Variants in PCDHA2 observed in about 807,000 individuals in gnomAD.
The protein encoded by PCDHA2 is protocadherin alpha-2.
PCDHA2 carries 58 observed loss-of-function variants against 66.0 expected under a neutral mutation model. The observed-to-expected ratio is 0.88, with a 90% confidence interval of 0.71 to 1.09. The LOEUF is 1.09. Among genes scored for constraint, PCDHA2 ranks in the 50% least tolerant of loss-of-function variants. The probability of loss-of-function intolerance (pLI) is 0.00; values close to 1 mark genes in which losing one functional copy is unlikely to be tolerated. For missense variants in PCDHA2, 1,267 were observed against 1,242.3 expected (o/e 1.02, Z -0.30); for synonymous variants, 634 against 554.0 (o/e 1.14, Z -2.03).
At chr5:140,979,078 A>G (rs2240296) in intron 2 of PCDHA2, 71 bp downstream of exon 2, 2 of 1,583,496 alleles carry the variant, frequency 1.3e-6, no homozygotes, top group East Asian at 4.5e-5. Flanking sequence ...CTGCATCTCC[A>G]TAGGCCAGAA....
chr5:140,983,076 T>A (rs1390525890), intron 3 of PCDHA2, among the ~76,000 whole-genome samples: 1 of 152,168 alleles, frequency 6.6e-6, no homozygotes, highest in Non-Finnish European at 1.5e-5. Context: ...TTGTTTTGAG[T>A]TCAAGTCAAA....
At chr5:140,966,741 G>T in intron 1 of PCDHA2, 1 of 1,421,322 alleles carries the variant, frequency 7.0e-7, no homozygotes, top group Non-Finnish European at 9.1e-7. Flanking sequence ...GGCCCTGCCC[G>T]GCTGCCTCCG....
intron 1 of PCDHA2, chr5:140,866,669 T>C (rs571274167): frequency 6.6e-6 from 1 of 152,260 alleles, no homozygotes; most frequent in South Asian, 2.1e-4. Context: ...CAAGAAATAA[T>C]AGCACTAGGT....
intron 1 of PCDHA2, among the ~76,000 whole-genome samples, chr5:140,935,731 T>C (rs923257790): frequency 2.6e-5 from 4 of 152,202 alleles, no homozygotes; most frequent in Non-Finnish European, 4.4e-5. Context: ...AGAAGTCTAG[T>C]ATCTATTATT....
intron 1 of PCDHA2, among the ~76,000 whole-genome samples, chr5:140,919,085 T>C (rs2078998041): frequency 1.3e-5 from 2 of 152,368 alleles, no homozygotes; most frequent in East Asian, 3.9e-4. Context: ...GACTATTGAA[T>C]TGTCTATTTC....
chr5:140,876,553 G>A, intron 1 of PCDHA2: 2 of 1,614,216 alleles, frequency 1.2e-6, no homozygotes, highest in African/African-American at 2.7e-5. Context: ...CCCTGTGCAA[G>A]AGGATGCTCA....
At chr5:140,883,467 C>T in intron 1 of PCDHA2, 1 of 1,614,170 alleles carries the variant, frequency 6.2e-7, no homozygotes, top group Non-Finnish European at 8.5e-7. Flanking sequence ...CTGGTGTCCA[C>T]CTACAAGAAC....
intron 3 of PCDHA2, among the ~76,000 whole-genome samples, chr5:140,990,902 C>G (rs2097421729): frequency 6.6e-6 from 1 of 152,112 alleles, no homozygotes; most frequent in African/African-American, 2.4e-5. Flanking sequence ...GTTGCTGGGT[C>G]AAGTTTTATA....
rs552832365 is a variant in PCDHA2, at chr5:140,928,668, T to C, written c.2389-50281T>C. ...TAGCAGAGGATGCTGACAGTGGTTC[T>C]AATGCCTGGCTTTCCTACCACATCT... is the stretch of plus-strand genomic sequence containing the variant. On this transcript the variant is annotated intron_variant, in intron 1 of 3. Transcript: ENST00000526136. The C allele has an allele frequency of 2.4e-4, 388 of 1,614,234 alleles. 3 individuals are homozygous for C. The South Asian group carries it at 4.0e-3, about 17-fold the overall frequency.
intron 1 of PCDHA2, chr5:140,856,523 G>A (rs1554148798): frequency 6.3e-7 from 1 of 1,598,526 alleles, no homozygotes; most frequent in Admixed American, 1.7e-5. Context: ...CGCATCTGAT[G>A]CGGATGTTGG....
chr5:140,909,945 A>C (rs540241627), intron 1 of PCDHA2, among the ~76,000 whole-genome samples: 3 of 152,316 alleles, frequency 2.0e-5, no homozygotes, highest in Non-Finnish European at 4.4e-5. Context: ...ACTCTGGTAA[A>C]AAGCCGTAGG....
In PCDHA2 at chr5:140,843,697, T is replaced by C. The variant is rs2150365268; in HGVS notation, c.2388+46345T>C. 3.9e-5 allele frequency: 61 copies of C among 1,583,460 alleles called. 6 individuals carry two copies. Among genetic ancestry groups the C allele is most frequent in the Middle Eastern group, 1.7e-4 (1 of 5,990 alleles). ...ATGTAGGCGAAGAGCAAGATTTAAA[T>C]GTTGATCATGGCCTCAAAGTAAGTC... On this transcript the variant is annotated intron_variant, in intron 1 of 3. Coordinates refer to ENST00000526136, the MANE Select transcript of PCDHA2 (RefSeq NM_018905.3).
At chr5:140,828,373 G>A (rs1554131267) in intron 1 of PCDHA2, 1 of 1,614,292 alleles carries the variant, frequency 6.2e-7, no homozygotes, top group Admixed American at 1.7e-5. Context: ...ACCGCGAGGA[G>A]CTGTGCGGGC....
chr5:140,876,349 T>G lies in PCDHA2; in HGVS notation c.2388+78997T>G, dbSNP rs781967314. On this transcript the variant is annotated intron_variant, in intron 1 of 3. Transcript: ENST00000526136. ...TTTGCCAGTGAGTGAGAAATGTATG[T>G]TTTCAATAAATCCAGACACAGGTGA... The G allele has an allele frequency of 3.2e-5, 52 of 1,613,894 alleles. No homozygotes were observed. In the South Asian group the frequency reaches 5.1e-4, roughly 16 times the overall value.
At chr5:140,888,234 G>A (rs1554183382) in intron 1 of PCDHA2, among the ~76,000 whole-genome samples, 2 of 152,250 alleles carry the variant, frequency 1.3e-5, no homozygotes, top group East Asian at 1.9e-4. Flanking sequence ...ATGTGTGTGC[G>A]TGTTCCTTTA....
Position 141,009,873 on chromosome 5 carries a change from A to C in PCDHA2, c.2783A>C (p.Lys928Thr), listed in dbSNP as rs782413551. The C allele has an allele frequency of 1.2e-6, 2 of 1,613,916 alleles. No homozygotes were observed. The highest frequency in any genetic ancestry group is 2.7e-5 in the African/African-American group (2 of 74,862). The change falls in exon 4 of 4, where the codon AAG (lysine) becomes ACG (threonine). Residue 928 changes from lysine to threonine, a missense_variant. Lys to Thr is a moderately conservative substitution (Grantham distance 78). Transcript: ENST00000526136. ...ACCAAGAAAAAGAAGAAAAAGAAGA[A>C]GGGTAACAAGACCCAGGAGAAAAAA... ...EETKKKKKKK[K>T]GNKTQEKKEK...
intron 1 of PCDHA2, chr5:140,829,482 T>C: frequency 1.2e-6 from 2 of 1,613,684 alleles, no homozygotes; most frequent in Non-Finnish European, 1.7e-6. Context: ...ACAGTGTTCG[T>C]GAAGGAGAAC....
At chr5:140,925,408 G>C (rs2082482597) in intron 1 of PCDHA2, among the ~76,000 whole-genome samples, 1 of 152,058 alleles carries the variant, frequency 6.6e-6, no homozygotes, top group Non-Finnish European at 1.5e-5. Flanking sequence ...TCCTTCTTAG[G>C]GAAAGGAACT....
At chr5:140,886,951 C>T (rs1277166050) in intron 1 of PCDHA2, among the ~76,000 whole-genome samples, 1 of 151,696 alleles carries the variant, frequency 6.6e-6, no homozygotes, top group Non-Finnish European at 1.5e-5. Flanking sequence ...ACACATTAGA[C>T]ATTTAGCAAC....
Sources: gnomAD v4.1 joint callset for allele counts (sites outside exome capture counted in the v4.1 genomes callset) on GRCh38, gnomAD v4.1.1 for gene constraint, MANE v1.5 for transcripts, NCBI Gene and HGNC (gene_info 2026-07-23, HGNC 2026-07-21) for gene names.